The following WDR90 variants were observed in gnomAD, a reference collection of about 807,000 sequenced individuals.
The protein encoded by WDR90 is WD repeat domain 90, also known as WD repeat-containing protein 90.
In WDR90, 238 loss-of-function variants were observed where a neutral mutation model predicts 195.2. That is an observed-to-expected ratio of 1.22 (90% CI 1.10 to 1.36). The LOEUF is 1.36. Among genes scored for constraint, WDR90 ranks in the 40% most tolerant of loss-of-function variants. The pLI is 0.00. For synonymous variants in WDR90, 1,265 were observed against 1,052.4 expected, an observed-to-expected ratio of 1.20 and a Z score of -3.91; for missense variants, 2,734 against 2,439.5, an observed-to-expected ratio of 1.12 and a Z score of -2.54.
rs576529100 is a variant in WDR90 at position 658,973 on chromosome 16, C to T, written c.2973C>T (p.Asp991=). 4.2e-4 allele frequency: 672 copies of T among 1,612,840 alleles called. 5 individuals are homozygous for T. In the South Asian group the frequency reaches 5.7e-3, roughly 14 times the overall value. ...PDQQQVLSAG[D]AVFLWDVLAP... ...AGCAGCAGGTCCTCAGCGCAGGGGA[C>T]GCCGTCTTCCTCTGGGATGTCCTGG... is the stretch of plus-strand genomic sequence containing the variant. Residue 991 remains aspartate, a synonymous_variant, in exon 24 of 41, where the codon GAC becomes GAT. Coordinates refer to ENST00000293879, the MANE Select transcript of WDR90 (RefSeq NM_145294.5).
Position 650,211 on chromosome 16 carries a change from CCTGCGGCCCCTGTCTCCTCACGGCCCTG to C in WDR90, c.280-40_280-13del. 6.2e-7 allele frequency: 1 copy of C among 1,610,580 alleles called. No homozygotes were observed. The highest frequency in any genetic ancestry group is 8.5e-7 in the Non-Finnish European group (1 of 1,178,082). ...GGGGCTGCGTGGGAGCCCCGGCACC[CCTGCGGCCCCTGTCTCCTCACGGCCCTG>C]CTCCGTCCCCACAGGACAACCAAGT... is the stretch of plus-strand genomic sequence containing the variant. On this transcript the variant is annotated splice_polypyrimidine_tract_variant and intron_variant, in intron 3 of 40. Coordinates refer to ENST00000293879, the MANE Select transcript of WDR90 (RefSeq NM_145294.5).
At position 649,972 on chromosome 16, in the gene WDR90, C is replaced by T. The variant is rs774391431; in HGVS notation, c.103-19C>T. 1.9e-6 allele frequency: 3 copies of T among 1,610,720 alleles called. No homozygotes were observed. The highest frequency in any genetic ancestry group is 4.5e-5 in the East Asian group (2 of 44,822). ...CTTCTTCTGGGTGCTGTCGGTGATG[C>T]GGGCTCCCGCTTCTCCAGGACAAGA... On this transcript the variant is annotated intron_variant, in intron 2 of 40. Transcript: ENST00000293879.
Position 658,898 on chromosome 16 carries a change from G to T in WDR90, c.2898G>T (p.Val966=). 1 of 1,611,736 alleles carries T rather than the reference G, an allele frequency of 6.2e-7. No homozygotes were observed. Among genetic ancestry groups the T allele is most frequent in the East Asian group, 2.2e-5 (1 of 44,880 alleles). The change falls in exon 24 of 41, where the codon GTG becomes GTT. Residue 966 remains valine (V), a splice_region_variant and synonymous_variant. Coordinates refer to ENST00000293879, the MANE Select transcript of WDR90 (RefSeq NM_145294.5). ...GCATGTGACGCCGCTACCCCTAGGT[G>T]TACATCGGCCACTCGGAACCCGTGC... ...YATQASPGPQ[V]YIGHSEPVQA... is the part of the protein sequence containing the mutation.
At chr16:663,118 GTTT>G in intron 34 of WDR90, 2 of 589,164 alleles carry the variant, frequency 3.4e-6, no homozygotes, top group Non-Finnish European at 6.3e-6. Context: ...TTGTTTGTTT[GTTT>G]TTTGTTTTTT....
intron 16 of WDR90, 34 bp from the exon 17 acceptor site, chr16:655,739 G>A (rs768430859): frequency 6.3e-7 from 1 of 1,582,020 alleles, no homozygotes; most frequent in Non-Finnish European, 8.6e-7. Flanking sequence ...AGGGTGGCAG[G>A]GACACCGAGG....
Position 658,627 on chromosome 16 carries a change from G to A in WDR90, c.2869G>A (p.Ala957Thr), listed in dbSNP as rs753998793. The change falls in exon 23 of 41, where the codon GCC (alanine) becomes ACC (threonine). Residue 957 changes from alanine to threonine, a missense_variant. Ala to Thr is a moderately conservative substitution (Grantham distance 58). Transcript: ENST00000293879. The stretch of plus-strand genomic sequence containing the variant: ...CCGGACCATCAAGGTGTGGGACTAC[G>A]CCACACAGGCCAGCCCAGGCCCCCA... ...AGRTIKVWDY[A>T]TQASPGPQVY... is the part of the protein sequence containing the mutation. 22 of 1,612,280 alleles carry A rather than the reference G, an allele frequency of 1.4e-5. No homozygotes were observed. Among genetic ancestry groups the A allele is most frequent in the South Asian group, 8.8e-5 (8 of 91,070 alleles).
chr16:662,781 G>A lies in WDR90; in HGVS notation c.4248G>A (p.Thr1416=), dbSNP rs765208699. 2.3e-5 allele frequency: 37 copies of A among 1,606,910 alleles called. No homozygotes were observed. Among genetic ancestry groups the A allele is most frequent in the Non-Finnish European group, 2.6e-5 (31 of 1,176,914 alleles). Reference sequence around the variant, plus strand: ...GCGTCGTGGGCACCACGGCGGGCACGCTGTGGTTTGTCAGCTGGGCCGAGG... The same window carrying A: ...GCGTCGTGGGCACCACGGCGGGCACACTGTGGTTTGTCAGCTGGGCCGAGG... ...DMGVVGTTAG[T]LWFVSWAEGT... Residue 1416 remains threonine, a synonymous_variant, in exon 34 of 41, where the codon ACG becomes ACA. Transcript: ENST00000293879.
At chr16:665,828 G>A (rs778994512) in intron 35 of WDR90, 27 bp downstream of exon 35, 3 of 1,560,506 alleles carry the variant, frequency 1.9e-6, no homozygotes, top group Middle Eastern at 1.8e-4. Context: ...CGGGCCGGGG[G>A]CGGGATGGGG....
At chr16:660,540 T>TTTGGGGCACATGTGC (rs938356817) in intron 27 of WDR90, 72 bp from the exon 28 acceptor site, 44 of 1,463,700 alleles carry the variant, frequency 3.0e-5, no homozygotes, top group Non-Finnish European at 3.8e-5. Flanking sequence ...CAACACAGCC[T>TTTGGGGCACATGTGC]CCCATGTGCA....
chr16:650,330 C>T lies in WDR90; in HGVS notation c.356C>T (p.Pro119Leu), dbSNP rs1322121647. 10 of 1,612,804 alleles carry T rather than the reference C, an allele frequency of 6.2e-6. No individual in the cohort carries two copies. Among genetic ancestry groups the T allele is most frequent in the African/African-American group, 1.3e-5 (1 of 74,944 alleles). Reference protein sequence around the residue: ...FKSTATWLQFPLVLEARTPQR... With the variant: ...FKSTATWLQFLLVLEARTPQR... ...TCTACGGCCACGTGGCTCCAGTTTCCCTTGGTCCTGGAGGCCAGGACACCT... is the reference window on the plus strand; with the variant it reads ...TCTACGGCCACGTGGCTCCAGTTTCTCTTGGTCCTGGAGGCCAGGACACCT... The change falls in exon 4 of 41, where the codon CCC becomes CTC. Residue 119 changes from proline to leucine, a missense_variant. Pro to Leu is a moderately conservative substitution (Grantham distance 98). Coordinates refer to ENST00000293879, the MANE Select transcript of WDR90 (RefSeq NM_145294.5).
At chr16:649,237 G>T, upstream of WDR90, 2 of 637,932 alleles carry the variant, frequency 3.1e-6, no homozygotes, top group Non-Finnish European at 4.6e-6. Context: ...AGCAACCCTG[G>T]AGGCCGCTGA....
intron 34 of WDR90, chr16:663,353 G>A (rs928758408): frequency 3.1e-5 from 9 of 293,334 alleles, no homozygotes; most frequent in Non-Finnish European, 5.3e-5. Flanking sequence ...CAAGAGAATC[G>A]CTTGAACCCA....
chr16:666,130 G>T lies in WDR90; in HGVS notation c.4609+6G>T, dbSNP rs368328234. 6.8e-6 allele frequency: 11 copies of T among 1,608,692 alleles called. No individual in the cohort carries two copies. Among genetic ancestry groups the T allele is most frequent in the Non-Finnish European group, 8.5e-6 (10 of 1,177,226 alleles). On this transcript the variant is annotated splice_donor_region_variant and intron_variant, in intron 36 of 40. Transcript: ENST00000293879. ...TGTTGCCTTCTCCACCGATGGTGAGGAGTTGGGTGTGTTGGGGATGGTGCC... is the reference window on the plus strand; with the variant it reads ...TGTTGCCTTCTCCACCGATGGTGAGTAGTTGGGTGTGTTGGGGATGGTGCC...
At chr16:657,014 G>C (rs1315489620) in intron 19 of WDR90, 77 bp from the exon 20 acceptor site, 3 of 1,568,888 alleles carry the variant, frequency 1.9e-6, no homozygotes, top group Admixed American at 3.7e-5. Context: ...GGCCAGGCTG[G>C]TTGGCTGGAG....
At chr16:665,623 G>T (rs186987766) in intron 34 of WDR90, 56 bp from the exon 35 acceptor site, 1 of 1,610,890 alleles carries the variant, frequency 6.2e-7, no homozygotes. Context: ...AAATGCCTGC[G>T]TCCCTTTACC....
At chr16:659,459 C>G (rs1045738397) in intron 26 of WDR90, 83 bp downstream of exon 26, 10 of 1,520,978 alleles carry the variant, frequency 6.6e-6, no homozygotes, top group Non-Finnish European at 8.9e-6. Flanking sequence ...TACTCACGCA[C>G]GTCCAGCTCT....
chr16:650,478 A>G, intron 4 of WDR90, 61 bp from the exon 5 acceptor site: 48 of 1,586,168 alleles, frequency 3.0e-5, no homozygotes, highest in Non-Finnish European at 4.0e-5. Flanking sequence ...ACAAGCTCAC[A>G]GTTCTGGGAG....
intron 28 of WDR90, 110 bp from the exon 29 acceptor site, chr16:660,941 C>CGCCCCCTGTTCG: frequency 1.8e-6 from 1 of 569,020 alleles, no homozygotes; most frequent in Non-Finnish European, 2.3e-6. Flanking sequence ...CCCTTGGCCC[C>CGCCCCCTGTTCG]GCCCCACGGC....
chr16:664,793 T>C (rs1369940097), intron 34 of WDR90, among the ~76,000 whole-genome samples: 2 of 151,858 alleles, frequency 1.3e-5, no homozygotes, highest in Admixed American at 6.6e-5. Flanking sequence ...CATTCTCCTG[T>C]CTCAGCCTCC....
Sources: gnomAD v4.1 joint callset for allele counts (sites outside exome capture counted in the v4.1 genomes callset) on GRCh38, gnomAD v4.1.1 for gene constraint, MANE v1.5 for transcripts, NCBI Gene and HGNC (gene_info 2026-07-23, HGNC 2026-07-21) for gene names.